The following MAD1L1 variants were observed in gnomAD, a reference collection of about 807,000 sequenced individuals.
MAD1L1 encodes mitotic arrest deficient 1 like 1.
MAD1L1 carries 95 observed loss-of-function variants against 96.9 expected under a neutral mutation model. The ratio of observed to expected loss-of-function variants is 0.98; its 90% CI spans 0.83 to 1.16. The LOEUF is 1.16. Among genes scored for constraint, MAD1L1 ranks in the 50% most tolerant of loss-of-function variants. The pLI is 0.00. For missense variants in MAD1L1, 1,007 were observed against 954.4 expected (o/e 1.06, Z -0.73); for synonymous variants, 473 against 396.6 (o/e 1.19, Z -2.29).
In MAD1L1 at chr7:1,885,977, GC is replaced by G. The variant is rs549289687; in HGVS notation, c.1998+12222del. 6.6e-5 allele frequency among the ~76,000 whole-genome samples: 10 copies of G among 152,350 alleles called. No individual in the cohort carries two copies. In the South Asian group the frequency reaches 2.1e-3, roughly 32 times the overall value. Reference sequence around the variant, plus strand: ...ATTCTATGCCCCCAGCAGCAGCTCTGCCTCCTCTCCTCCACCAGGTCCTACT... The same window carrying G: ...ATTCTATGCCCCCAGCAGCAGCTCTGCTCCTCTCCTCCACCAGGTCCTACT... On this transcript the variant is annotated intron_variant, in intron 18 of 18. Transcript: ENST00000265854.
intron 18 of MAD1L1, among the ~76,000 whole-genome samples, chr7:1,868,569 A>T (rs559360367): frequency 2.7e-5 from 4 of 146,790 alleles, no homozygotes; most frequent in African/African-American, 7.6e-5. Flanking sequence ...CCAGGGATGG[A>T]GCATCATCCT....
At chr7:1,959,542 A>G (rs1032075506) in intron 15 of MAD1L1, among the ~76,000 whole-genome samples, 7 of 152,250 alleles carry the variant, frequency 4.6e-5, no homozygotes, top group Non-Finnish European at 8.8e-5. Flanking sequence ...AAGCCTGCTC[A>G]GGACCACGGC....
chr7:1,855,088 A>AAGAG, intron 18 of MAD1L1, among the ~76,000 whole-genome samples: 1 of 152,142 alleles, frequency 6.6e-6, no homozygotes, highest in Non-Finnish European at 1.5e-5. Flanking sequence ...CTTCAGGGTC[A>AAGAG]CCCTTCCTCT....
At chr7:2,133,794 G>A (rs1001896536) in intron 11 of MAD1L1, among the ~76,000 whole-genome samples, 8 of 152,206 alleles carry the variant, frequency 5.3e-5, no homozygotes, top group Admixed American at 2.6e-4. Context: ...TTGCTGAGAA[G>A]ACCGTTTTCC....
intron 18 of MAD1L1, among the ~76,000 whole-genome samples, chr7:1,835,376 G>T (rs898820804): frequency 2.0e-5 from 3 of 152,228 alleles, no homozygotes; most frequent in Non-Finnish European, 4.4e-5. Flanking sequence ...GGAAGTGCAA[G>T]TGTACTTACA....
At chr7:2,070,256 G>A (rs1238670133) in intron 11 of MAD1L1, among the ~76,000 whole-genome samples, 4 of 152,222 alleles carry the variant, frequency 2.6e-5, no homozygotes, top group South Asian at 2.1e-4. Flanking sequence ...ATGATGCAAC[G>A]GCTTTCTGTG....
At chr7:2,175,612 C>T (rs1335980117) in intron 10 of MAD1L1, among the ~76,000 whole-genome samples, 1 of 152,002 alleles carries the variant, frequency 6.6e-6, no homozygotes, top group African/African-American at 2.4e-5. Flanking sequence ...CAAACTGGTC[C>T]TAGAAAAACT....
intron 11 of MAD1L1, among the ~76,000 whole-genome samples, chr7:2,123,969 C>T (rs902597910): frequency 2.6e-5 from 4 of 152,062 alleles, no homozygotes; most frequent in Admixed American, 1.3e-4. Context: ...CAGCAAGGGG[C>T]GGGGGCTTAG....
intron 11 of MAD1L1, among the ~76,000 whole-genome samples, chr7:2,115,602 C>A (rs765286676): frequency 7.9e-5 from 12 of 151,620 alleles, no homozygotes; most frequent in Non-Finnish European, 1.6e-4. Context: ...TGGACAGGGT[C>A]CCCGCGTGTT....
chr7:2,002,355 G>A (rs892937859), intron 13 of MAD1L1, among the ~76,000 whole-genome samples: 9 of 152,280 alleles, frequency 5.9e-5, no homozygotes, highest in South Asian at 2.1e-4. Flanking sequence ...AGTGGGCTGC[G>A]GGAGGCTTCA....
intron 10 of MAD1L1, among the ~76,000 whole-genome samples, chr7:2,197,649 A>C (rs1160765924): frequency 6.6e-6 from 1 of 152,066 alleles, no homozygotes; most frequent in African/African-American, 2.4e-5. Context: ...CCACCTGCAA[A>C]CGCCAAAATC....
At chr7:2,177,871 G>A (rs1015753078) in intron 10 of MAD1L1, among the ~76,000 whole-genome samples, 8 of 152,312 alleles carry the variant, frequency 5.3e-5, no homozygotes, top group African/African-American at 1.2e-4. Flanking sequence ...GACTGCAGCC[G>A]ACATCGCCAT....
chr7:2,019,611 C>T lies in MAD1L1; in HGVS notation c.1219-4969G>A, dbSNP rs555411990. On this transcript the variant is annotated intron_variant, in intron 12 of 18. Transcript: ENST00000265854. ...AAAGGGCAGCAAGGAGGGCCACTTA[C>T]GGCCACAGGGGTTGGGGGTGGGGGT... 5.3e-5 allele frequency among the ~76,000 whole-genome samples: 8 copies of T among 152,310 alleles called. No homozygotes were observed. In the South Asian group the frequency reaches 8.3e-4, roughly 16 times the overall value.
chr7:2,018,055 G>A (rs1243563670), intron 12 of MAD1L1, among the ~76,000 whole-genome samples: 3 of 152,142 alleles, frequency 2.0e-5, no homozygotes, highest in African/African-American at 7.2e-5. Flanking sequence ...GCTGCAGGCA[G>A]GGGAGATATG....
chr7:2,166,334 T>C (rs1343173318), intron 10 of MAD1L1, among the ~76,000 whole-genome samples: 1 of 152,160 alleles, frequency 6.6e-6, no homozygotes, highest in Non-Finnish European at 1.5e-5. Flanking sequence ...GGCTTTACAG[T>C]TGCTGCCCTC....
At chr7:2,102,288 G>GTCACCGTCACCATCA (rs369889897) in intron 11 of MAD1L1, among the ~76,000 whole-genome samples, 1 of 137,206 alleles carries the variant, frequency 7.3e-6, no homozygotes, top group African/African-American at 2.9e-5. Flanking sequence ...CACCACCACC[G>GTCACCGTCACCATCA]CCACTGTCAC....
chr7:1,956,491 G>T (rs1779733930), intron 16 of MAD1L1, among the ~76,000 whole-genome samples: 1 of 152,194 alleles, frequency 6.6e-6, no homozygotes, highest in Non-Finnish European at 1.5e-5. Context: ...GGACCACCAG[G>T]CCCAGCCCTG....
chr7:1,866,538 G>C (rs926406884), intron 18 of MAD1L1, among the ~76,000 whole-genome samples: 3 of 152,206 alleles, frequency 2.0e-5, no homozygotes, highest in African/African-American at 7.2e-5. Flanking sequence ...GTGCTGAGGA[G>C]AGGTCTTAAG....
In MAD1L1 at chr7:2,066,600, AG is replaced by A. The variant is rs539823666; in HGVS notation, c.1218+2593del. Among the ~76,000 whole-genome samples, 101 of 152,326 alleles carry A rather than the reference AG, an allele frequency of 6.6e-4. 1 individual carries two copies. Among genetic ancestry groups the A allele is most frequent in the African/African-American group, 2.2e-3 (90 of 41,586 alleles). On this transcript the variant is annotated intron_variant, in intron 12 of 18. Coordinates refer to ENST00000265854, the MANE Select transcript of MAD1L1 (RefSeq NM_001013836.2). ...CCTGCAAAGCAGAGCAGAGAAGAAC[AG>A]AAACTTCCTGCCCTGAGCGGGCCGG...
Sources: allele counts gnomAD v4.1 joint callset (sites outside exome capture counted in the v4.1 genomes callset), GRCh38; gene constraint gnomAD v4.1.1; transcripts MANE v1.5; gene names NCBI Gene and HGNC (gene_info 2026-07-23, HGNC 2026-07-21).